LINGO2: variants seen among roughly 807,000 people sequenced by gnomAD.
LINGO2 encodes leucine rich repeat and Ig domain containing 2, also known as leucine-rich repeat and immunoglobulin-like domain-containing nogo receptor-interacting protein 2.
LINGO2 carries 14 observed loss-of-function variants against 30.6 expected under a neutral mutation model. The observed-to-expected ratio is 0.46, with a 90% CI of 0.30 to 0.72. The LOEUF is 0.72. LINGO2 is among the 30% of genes least tolerant of loss of function. The probability of loss-of-function intolerance (pLI) is 0.07; values close to 1 mark genes in which losing one functional copy is unlikely to be tolerated. For missense variants in LINGO2, 729 were observed against 751.7 expected (o/e 0.97, Z 0.35); for synonymous variants, 317 against 288.5 (o/e 1.10, Z -1.00).
chr9:28,123,372 G>A (rs1827151636), intron 4 of LINGO2, among the ~76,000 whole-genome samples: 1 of 152,184 alleles, frequency 6.6e-6, no homozygotes, highest in Non-Finnish European at 1.5e-5. Context: ...CTTGATTCCA[G>A]CACTGAGTCT....
chr9:28,071,612 G>A (rs1030684535), intron 4 of LINGO2, among the ~76,000 whole-genome samples: 24 of 150,792 alleles, frequency 1.6e-4, no homozygotes, highest in African/African-American at 5.9e-4. Context: ...TCTGTGACAA[G>A]GGCCCCTAAA....
chr9:29,163,978 C>T, the LINGO2 span, among the ~76,000 whole-genome samples: 2,315 of 152,092 alleles, frequency 0.015, 53 homozygotes, highest in African/African-American at 0.052. Context: ...TTAAGTGATG[C>T]TATGTGATTT....
intron 5 of LINGO2, among the ~76,000 whole-genome samples, chr9:27,972,782 C>T (rs1277085736): frequency 6.6e-6 from 1 of 152,170 alleles, no homozygotes; most frequent in Non-Finnish European, 1.5e-5. Context: ...TTCCTCACCA[C>T]TGCCACAAAG....
intron 4 of LINGO2, among the ~76,000 whole-genome samples, chr9:28,232,102 A>G (rs1373212676): frequency 6.6e-6 from 1 of 152,094 alleles, no homozygotes; most frequent in Non-Finnish European, 1.5e-5. Context: ...TCCCATATTT[A>G]AAAAGCTGAA....
intron 1 of LINGO2, among the ~76,000 whole-genome samples, chr9:28,546,306 A>T (rs1821935295): frequency 6.6e-6 from 1 of 152,106 alleles, no homozygotes; most frequent in South Asian, 2.1e-4. Context: ...AGAGCATTAA[A>T]AAAATATTTA....
the LINGO2 span, among the ~76,000 whole-genome samples, chr9:29,211,087 T>C: frequency 1.3e-5 from 2 of 152,168 alleles, no homozygotes; most frequent in Non-Finnish European, 2.9e-5. Flanking sequence ...CGATGGTAAT[T>C]TTTGGTCTTC....
the LINGO2 span, among the ~76,000 whole-genome samples, chr9:29,132,057 A>G: frequency 6.6e-6 from 1 of 151,886 alleles, no homozygotes; most frequent in Non-Finnish European, 1.5e-5. Flanking sequence ...CTGGCCATCA[A>G]GAAGCTACCC....
chr9:28,202,918 G>A (rs1820287325), intron 4 of LINGO2, among the ~76,000 whole-genome samples: 1 of 152,146 alleles, frequency 6.6e-6, no homozygotes, highest in South Asian at 2.1e-4. Context: ...CATTTCACAA[G>A]TGACACAGGC....
At chr9:28,252,663 A>G (rs761366515) in intron 4 of LINGO2, among the ~76,000 whole-genome samples, 14 of 151,968 alleles carry the variant, frequency 9.2e-5, no homozygotes, top group Non-Finnish European at 2.1e-4. Flanking sequence ...AGAATAGTAT[A>G]TATAGTACAA....
At chr9:29,174,614 C>T in the LINGO2 span, among the ~76,000 whole-genome samples, 2 of 152,110 alleles carry the variant, frequency 1.3e-5, no homozygotes, top group African/African-American at 4.8e-5. Flanking sequence ...CTTATGGGAA[C>T]AGAACCTATC....
At chr9:28,668,112 T>C (rs1429020425) in intron 1 of LINGO2, among the ~76,000 whole-genome samples, 4 of 152,172 alleles carry the variant, frequency 2.6e-5, no homozygotes, top group African/African-American at 9.6e-5. Flanking sequence ...AAATAATCTT[T>C]AAAACCCCAC....
chr9:27,961,871 G>A (rs1819866202), intron 5 of LINGO2, among the ~76,000 whole-genome samples: 4 of 152,102 alleles, frequency 2.6e-5, no homozygotes, highest in Admixed American at 2.6e-4. Flanking sequence ...GAGGGTGTAT[G>A]AGAGGAGAAG....
chr9:28,174,060 T>C (rs1828675789), intron 4 of LINGO2, among the ~76,000 whole-genome samples: 1 of 152,208 alleles, frequency 6.6e-6, no homozygotes. Context: ...TTTTCTAAGA[T>C]ATCAATGTGG....
At chr9:29,015,172 T>G in the LINGO2 span, among the ~76,000 whole-genome samples, 3 of 151,884 alleles carry the variant, frequency 2.0e-5, no homozygotes, top group African/African-American at 7.3e-5. Flanking sequence ...GAGACGAGGG[T>G]AGATGATAAA....
the LINGO2 span, among the ~76,000 whole-genome samples, chr9:28,883,654 A>G: frequency 0.046 from 6,032 of 131,172 alleles, 769 homozygotes; most frequent in Admixed American, 0.09. Context: ...ATATATATAT[A>G]TATATATATA....
chr9:28,124,055 T>C (rs989371085), intron 4 of LINGO2, among the ~76,000 whole-genome samples: 2 of 152,106 alleles, frequency 1.3e-5, no homozygotes, highest in Non-Finnish European at 2.9e-5. Context: ...AAAACACAAC[T>C]CCCACAACAA....
chr9:28,171,139 G>A lies in LINGO2; in HGVS notation c.-87+124069C>T, dbSNP rs150599762. On this transcript the variant is annotated intron_variant, in intron 4 of 5. Transcript: ENST00000379992. ...GCACTGGTGGTAGCTGTGGGACAAT[G>A]AGTTGAATGTTATTACAGCAGCATG... Among the ~76,000 whole-genome samples, 589 of 152,254 alleles carry A rather than the reference G, an allele frequency of 3.9e-3. 5 individuals are homozygous for A. The highest frequency in any genetic ancestry group is 0.013 in the African/African-American group (537 of 41,540).
chr9:28,927,349 A>G, the LINGO2 span, among the ~76,000 whole-genome samples: 1 of 152,334 alleles, frequency 6.6e-6, no homozygotes, highest in South Asian at 2.1e-4. Context: ...GCATCAGACC[A>G]AAGACTCTCC....
chr9:29,188,333 G>T, the LINGO2 span, among the ~76,000 whole-genome samples: 2 of 151,784 alleles, frequency 1.3e-5, no homozygotes, highest in East Asian at 3.9e-4. Flanking sequence ...ACAGGGTTGG[G>T]GGTAAGGTCA....
Sources: gnomAD v4.1 joint callset for allele counts (sites outside exome capture counted in the v4.1 genomes callset) on GRCh38, gnomAD v4.1.1 for gene constraint, MANE v1.5 for transcripts, NCBI Gene and HGNC (gene_info 2026-07-23, HGNC 2026-07-21) for gene names.